STAM: variants seen among roughly 807,000 people sequenced by gnomAD.
STAM encodes the protein signal transducing adapter molecule 1.
In STAM, 16 loss-of-function variants were observed where a neutral mutation model predicts 63.4. The observed-to-expected ratio is 0.25, with a 90% CI of 0.17 to 0.38. The LOEUF (loss-of-function observed/expected upper bound fraction) is 0.38. Among genes scored for constraint, STAM ranks in the 10% least tolerant of loss-of-function variants. The pLI, the probability that STAM is intolerant of heterozygous loss-of-function variation, is 1.00. For synonymous variants in STAM, 238 were observed against 223.9 expected (o/e 1.06, Z -0.56); for missense variants, 636 against 657.1 (o/e 0.97, Z 0.35).
intron 2 of STAM, among the ~76,000 whole-genome samples, chr10:17,680,912 ATGC>A (rs1257751205): frequency 2.6e-5 from 4 of 152,224 alleles, no homozygotes; most frequent in Admixed American, 1.3e-4. Flanking sequence ...ATTGTGAATA[ATGC>A]TGCTATGAAC....
chr10:17,671,823 TGA>T (rs1834651307), intron 2 of STAM, among the ~76,000 whole-genome samples: 2 of 152,214 alleles, frequency 1.3e-5, no homozygotes, highest in South Asian at 4.1e-4. Context: ...TGTTATGTCC[TGA>T]GAGAGGGATA....
In STAM at chr10:17,704,512, C is replaced by T. The variant is rs1554828966; in HGVS notation, c.994C>T (p.Leu332Phe). ...GCCAGACCTACCAGAGCTGCTTCATCTTGAAGGTAAAACTTTTCTATTTAC... is the reference window on the plus strand; with the variant it reads ...GCCAGACCTACCAGAGCTGCTTCATTTTGAAGGTAAAACTTTTCTATTTAC... ...DQPDLPELLH[L>F]EAMCHQMGPL... is the part of the protein sequence containing the mutation. Residue 332 changes from leucine (L) to phenylalanine (F), a missense_variant, in exon 10 of 14, where the codon CTT becomes TTT. Physicochemically the swap from Leu to Phe is conservative, Grantham distance 22. Coordinates refer to ENST00000377524, the MANE Select transcript of STAM (RefSeq NM_003473.4). 6.2e-7 allele frequency: 1 copy of T among 1,613,868 alleles called. No homozygotes were observed. Among genetic ancestry groups the T allele is most frequent in the South Asian group, 1.1e-5 (1 of 91,090 alleles).
chr10:17,675,639 A>G (rs1406585015), intron 2 of STAM, among the ~76,000 whole-genome samples: 1 of 152,224 alleles, frequency 6.6e-6, no homozygotes, highest in Non-Finnish European at 1.5e-5. Context: ...GTTTTAGAAA[A>G]AAACACTAGG....
At chr10:17,656,878 G>A (rs1253441853) in intron 1 of STAM, among the ~76,000 whole-genome samples, 1 of 152,186 alleles carries the variant, frequency 6.6e-6, no homozygotes, top group Non-Finnish European at 1.5e-5. Context: ...ATCCAAGTGG[G>A]TGACTTGAAG....
At chr10:17,689,870 C>A (rs1554826556) in intron 5 of STAM, among the ~76,000 whole-genome samples, 1 of 152,182 alleles carries the variant, frequency 6.6e-6, no homozygotes, top group East Asian at 1.9e-4. Flanking sequence ...ACAAGATCTT[C>A]AGAGGATTTA....
intron 8 of STAM, among the ~76,000 whole-genome samples, chr10:17,698,964 T>A (rs983082342): frequency 3.3e-5 from 5 of 152,198 alleles, no homozygotes; most frequent in African/African-American, 1.2e-4. Flanking sequence ...AGAATTTTGC[T>A]TTTGGTGACT....
chr10:17,673,784 G>C (rs1449267623), intron 2 of STAM, among the ~76,000 whole-genome samples: 2 of 152,236 alleles, frequency 1.3e-5, no homozygotes, highest in African/African-American at 4.8e-5. Flanking sequence ...TCTCAGCACA[G>C]CATCTAACAC....
intron 1 of STAM, among the ~76,000 whole-genome samples, chr10:17,651,790 T>C (rs880003290): frequency 1.3e-5 from 2 of 152,228 alleles, no homozygotes; most frequent in Non-Finnish European, 2.9e-5. Context: ...TACTTTTCCA[T>C]TGGCCATTTT....
rs1208502588 is a variant in STAM, at chr10:17,715,354, T to C, written c.*574T>C. On this transcript the variant is annotated 3_prime_UTR_variant, in exon 14 of 14. Coordinates refer to ENST00000377524, the MANE Select transcript of STAM (RefSeq NM_003473.4). ...GTTGTCGTGTGTTTCAGTTTCACAT[T>C]AAACTGAACCTTTTACTAATTGTGA... The C allele has an allele frequency of 6.2e-6, 1 of 160,176 alleles. No individual in the cohort carries two copies. The highest frequency in any genetic ancestry group is 1.4e-5 in the Non-Finnish European group (1 of 72,220). The allele number at this position is 160,176 out of a possible 1,614,324, so 9.9% of individuals were successfully genotyped here.
chr10:17,711,045 A>G (rs17379922), intron 13 of STAM, among the ~76,000 whole-genome samples: 18,250 of 152,204 alleles, frequency 0.12, 1,205 homozygotes, highest in Middle Eastern at 0.29. Context: ...AAATTTCCTT[A>G]CTAGAGGTGT....
rs1028442630 is a variant in STAM at position 17,715,588 on chromosome 10, A to G, written c.*808A>G. On this transcript the variant is annotated 3_prime_UTR_variant, in exon 14 of 14. Transcript: ENST00000377524. ...GTGGGACCATGAGACAAAATTAAGT[A>G]CGATCACATTCTTTATTTCTCATTT... 8 of 152,624 alleles carry G rather than the reference A, an allele frequency of 5.2e-5. No homozygotes were observed. The highest frequency in any genetic ancestry group is 1.9e-4 in the African/African-American group (8 of 41,452). 9.5% of individuals were successfully genotyped at this position (152,624 alleles called of 1,614,324 possible). A position where few individuals can be genotyped will look rare whatever the true frequency, so the allele number is the denominator to read the frequency against.
intron 2 of STAM, among the ~76,000 whole-genome samples, chr10:17,670,732 T>C (rs57347245): frequency 7.3e-4 from 107 of 146,760 alleles, no homozygotes; most frequent in African/African-American, 2.7e-3. Flanking sequence ...TGTTAAATAA[T>C]AGTCAAATAA....
intron 6 of STAM, 29 bp downstream of exon 6, chr10:17,693,341 A>T: frequency 6.5e-7 from 1 of 1,534,302 alleles, no homozygotes; most frequent in Non-Finnish European, 8.9e-7. Context: ...GATGGTGGGA[A>T]TAACATAAGC....
chr10:17,669,216 C>T lies in STAM; in HGVS notation c.125+8668C>T, dbSNP rs73603867. On this transcript the variant is annotated intron_variant, in intron 2 of 13. Transcript: ENST00000377524. Reference sequence around the variant, plus strand: ...TTTTTTCTTCTGATTTGAAATATTTCTTTTATATATTATATTTGCATATGT... The same window carrying T: ...TTTTTTCTTCTGATTTGAAATATTTTTTTTATATATTATATTTGCATATGT... Among the ~76,000 whole-genome samples the T allele has an allele frequency of 1.5e-3, 221 of 152,136 alleles. 1 individual carries two copies. Among genetic ancestry groups the T allele is most frequent in the African/African-American group, 5.2e-3 (214 of 41,542 alleles).
intron 5 of STAM, among the ~76,000 whole-genome samples, chr10:17,692,239 C>G (rs1835570711): frequency 6.6e-6 from 1 of 152,172 alleles, no homozygotes; most frequent in Non-Finnish European, 1.5e-5. Context: ...TTCTTAACCA[C>G]TCATATCGCA....
At chr10:17,687,308 C>T (rs974022793) in intron 4 of STAM, among the ~76,000 whole-genome samples, 6 of 152,214 alleles carry the variant, frequency 3.9e-5, no homozygotes, top group African/African-American at 1.4e-4. Context: ...AACCCCGCGT[C>T]TGCTAAAAGT....
intron 2 of STAM, among the ~76,000 whole-genome samples, chr10:17,677,908 A>G (rs782041020): frequency 3.3e-5 from 5 of 152,168 alleles, no homozygotes; most frequent in Non-Finnish European, 5.9e-5. Flanking sequence ...ATACTTAAGC[A>G]TATTGCTTTG....
intron 2 of STAM, among the ~76,000 whole-genome samples, chr10:17,683,504 G>T (rs76101190): frequency 6.6e-6 from 1 of 151,976 alleles, no homozygotes; most frequent in East Asian, 1.9e-4. Flanking sequence ...TGTAGTGGTG[G>T]CTCTGTGTTA....
chr10:17,653,010 G>T (rs1000172040), intron 1 of STAM, among the ~76,000 whole-genome samples: 4 of 152,144 alleles, frequency 2.6e-5, no homozygotes, highest in African/African-American at 7.2e-5. Context: ...GAGCATCTTT[G>T]TTATTTTTGG....
Sources: gnomAD v4.1 joint callset for allele counts (sites outside exome capture counted in the v4.1 genomes callset) on GRCh38, gnomAD v4.1.1 for gene constraint, MANE v1.5 for transcripts, NCBI Gene and HGNC (gene_info 2026-07-23, HGNC 2026-07-21) for gene names.